LETM1: variants seen among roughly 807,000 people sequenced by gnomAD.
LETM1 encodes the protein leucine zipper and EF-hand containing transmembrane protein 1, also known as mitochondrial proton/calcium exchanger protein.
In LETM1, 50 loss-of-function variants were observed where a neutral mutation model predicts 74.5. That is an observed-to-expected ratio of 0.67 (90% confidence interval 0.53 to 0.85). LETM1 has a LOEUF of 0.85. Among genes scored for constraint, LETM1 ranks in the 40% least tolerant of loss-of-function variants. LETM1 has a pLI of 0.00. For missense variants in LETM1, 824 were observed against 967.8 expected, an observed-to-expected ratio of 0.85 and a Z score of 1.97; for synonymous variants, 446 against 407.1, an observed-to-expected ratio of 1.10 and a Z score of -1.15.
At chr4:1,823,191 CT>C in intron 8 of LETM1, 60 bp from the exon 9 acceptor site, 1 of 1,522,836 alleles carries the variant, frequency 6.6e-7, no homozygotes, top group Middle Eastern at 1.8e-4. Context: ...CCTGCTGCCC[CT>C]CACCTCTGTC....
intron 1 of LETM1, among the ~76,000 whole-genome samples, chr4:1,853,125 C>T (rs1713121013): frequency 6.6e-6 from 1 of 152,182 alleles, no homozygotes; most frequent in African/African-American, 2.4e-5. Context: ...TCATTCTGCT[C>T]CTCCCCAAGT....
intron 1 of LETM1, among the ~76,000 whole-genome samples, chr4:1,854,888 A>G (rs1443851953): frequency 2.0e-5 from 3 of 151,956 alleles, no homozygotes; most frequent in Non-Finnish European, 4.4e-5. Flanking sequence ...GGGAACAGAG[A>G]CAAGAATATT....
At chr4:1,825,234 C>T (rs1577313862) in intron 7 of LETM1, among the ~76,000 whole-genome samples, 2 of 152,358 alleles carry the variant, frequency 1.3e-5, no homozygotes, top group African/African-American at 2.4e-5. Context: ...AATGTGAACA[C>T]GTCCGACATC....
At chr4:1,854,650 A>G (rs925421861) in intron 1 of LETM1, among the ~76,000 whole-genome samples, 1 of 152,040 alleles carries the variant, frequency 6.6e-6, no homozygotes, top group South Asian at 2.1e-4. Context: ...AAAATTAGCC[A>G]GTCGTGATGG....
chr4:1,826,287 C>G (rs768644507), intron 6 of LETM1, among the ~76,000 whole-genome samples: 2 of 152,244 alleles, frequency 1.3e-5, no homozygotes, highest in Non-Finnish European at 2.9e-5. Context: ...GGCCCCCCAT[C>G]TCAGAGTTCA....
rs749556238 is a variant in LETM1 at position 1,834,954 on chromosome 4, A to C, written c.767T>G (p.Val256Gly). 1 of 1,613,934 alleles carries C rather than the reference A, an allele frequency of 6.2e-7. No individual in the cohort carries two copies. The highest frequency in any genetic ancestry group is 1.1e-5 in the South Asian group (1 of 91,068). Residue 256 changes from valine to glycine, a missense_variant, in exon 5 of 14, where the codon GTC (valine) becomes GGC (glycine). Physicochemically the swap from Val to Gly is moderately radical, Grantham distance 109 (BLOSUM62 -3). Coordinates refer to ENST00000302787, the MANE Select transcript of LETM1 (RefSeq NM_012318.3). The surrounding 1 kb of genome is among the most constrained non-coding windows in gnomAD (Gnocchi z 5.0). ...KEERLKKELR[V>G]KLELAKFLQD... The stretch of plus-strand genomic sequence containing the variant: ...GAGGAACTTGGCCAGCTCCAGCTTG[A>C]CCCGAAGCTCCTTCTTCAGCCTCTC...
At chr4:1,841,843 C>A in intron 2 of LETM1, 46 bp from the exon 3 acceptor site, 1 of 1,411,582 alleles carries the variant, frequency 7.1e-7, no homozygotes. Flanking sequence ...CCAGCACTAG[C>A]CTTTGACAGC....
At chr4:1,855,097 G>C (rs1713192389) in intron 1 of LETM1, among the ~76,000 whole-genome samples, 1 of 152,154 alleles carries the variant, frequency 6.6e-6, no homozygotes, top group African/African-American at 2.4e-5. Context: ...TGAGGCAGAA[G>C]GATAGCTTGA....
At chr4:1,825,087 G>A (rs57134546) in intron 7 of LETM1, among the ~76,000 whole-genome samples, 3 of 152,266 alleles carry the variant, frequency 2.0e-5, no homozygotes, top group Admixed American at 6.5e-5. Context: ...GTCACTTTCC[G>A]ACCTACAAGC....
intron 8 of LETM1, 26 bp from the exon 9 acceptor site, chr4:1,823,157 T>G (rs530248014): frequency 6.4e-7 from 1 of 1,556,570 alleles, no homozygotes; most frequent in South Asian, 1.2e-5. Context: ...CATCTGTGGG[T>G]GAGCCCAGAA....
chr4:1,850,408 C>T (rs1406461677), intron 1 of LETM1, among the ~76,000 whole-genome samples: 1 of 152,142 alleles, frequency 6.6e-6, no homozygotes, highest in African/African-American at 2.4e-5. Flanking sequence ...CCGGTGGCAC[C>T]ATCCCCACTC....
At chr4:1,831,975 G>A (rs1416145267) in intron 6 of LETM1, among the ~76,000 whole-genome samples, 1 of 152,168 alleles carries the variant, frequency 6.6e-6, no homozygotes, top group African/African-American at 2.4e-5. Flanking sequence ...TTTTACCTGA[G>A]AACTGAAATC....
chr4:1,819,394 T>TG lies in LETM1; in HGVS notation c.1686dup (p.Thr563HisfsTer33). On this transcript the variant is annotated frameshift_variant, in exon 11 of 14. Transcript: ENST00000302787. LOFTEE classifies it high-confidence loss of function. ...AGCTCCAGCTCCTCCTTCTCCTTGG[T>TG]GAGTGACTTCTTCTGCTCCTGCAGC... 2 of 1,613,938 alleles carry TG rather than the reference T, an allele frequency of 1.2e-6. No individual in the cohort carries two copies. The highest frequency in any genetic ancestry group is 1.7e-6 in the Non-Finnish European group (2 of 1,179,976).
Position 1,822,330 on chromosome 4 carries a change from A to G in LETM1, c.1477-18T>C. The G allele has an allele frequency of 1.4e-6, 2 of 1,472,342 alleles. No individual in the cohort carries two copies. Among genetic ancestry groups the G allele is most frequent in the East Asian group, 2.5e-5 (1 of 39,454 alleles). The allele number at this position is 1,472,342 out of a possible 1,614,324, so 91.2% of individuals were successfully genotyped here. ...AAATCCTTCTGAAAGGCAAGGCGAC[A>G]CCAGCCCAGCGCCCGCCATCACACA... On this transcript the variant is annotated intron_variant, in intron 9 of 13. Coordinates refer to ENST00000302787, the MANE Select transcript of LETM1 (RefSeq NM_012318.3).
chr4:1,852,109 T>G (rs541419707), intron 1 of LETM1, among the ~76,000 whole-genome samples: 1 of 152,242 alleles, frequency 6.6e-6, no homozygotes, highest in Non-Finnish European at 1.5e-5. Context: ...ATACTGACAC[T>G]ACCCAGAGTT....
chr4:1,845,093 G>A (rs1712837323), intron 2 of LETM1, among the ~76,000 whole-genome samples: 1 of 151,958 alleles, frequency 6.6e-6, no homozygotes, highest in African/African-American at 2.4e-5. Flanking sequence ...GGGAGGCTGA[G>A]GCAGGAGAAT....
intron 2 of LETM1, chr4:1,842,979 A>G: frequency 3.1e-6 from 1 of 327,044 alleles, no homozygotes; most frequent in South Asian, 2.4e-5. Context: ...GATTGGACAC[A>G]AATCCCCCCG....
chr4:1,854,351 G>C (rs1425669938), intron 1 of LETM1, among the ~76,000 whole-genome samples: 7 of 151,902 alleles, frequency 4.6e-5, no homozygotes, highest in African/African-American at 1.7e-4. Flanking sequence ...ATGAGGGTGT[G>C]CGCCTGTAAT....
intron 4 of LETM1, 100 bp from the exon 5 acceptor site, chr4:1,835,082 T>A (rs1712417599): frequency 9.0e-7 from 1 of 1,115,118 alleles, no homozygotes; most frequent in Non-Finnish European, 1.3e-6. Context: ...CCCAGAAACA[T>A]TTCACAACAC....
Sources: gnomAD v4.1 joint callset for allele counts (sites outside exome capture counted in the v4.1 genomes callset) on GRCh38, gnomAD v4.1.1 for gene constraint, Gnocchi (gnomAD v3.1) non-coding constraint, MANE v1.5 for transcripts, NCBI Gene and HGNC (gene_info 2026-07-23, HGNC 2026-07-21) for gene names.